The following FBN2 variants were observed in gnomAD, a reference collection of about 807,000 sequenced individuals.
FBN2 encodes fibrillin 2, also known as fibrillin-2.
A neutral mutation model predicts 355.6 loss-of-function variants in FBN2; 105 were observed. The ratio of observed to expected loss-of-function variants is 0.30; its 90% CI spans 0.25 to 0.35. The LOEUF is 0.35. Ranked by LOEUF, FBN2 falls within the 10% of genes least tolerant of loss-of-function variation. The probability of loss-of-function intolerance (pLI) is 1.00; values close to 1 mark genes in which losing one functional copy is unlikely to be tolerated. For missense variants in FBN2, 3,280 were observed against 3,758.7 expected (o/e 0.87, Z 3.33); for synonymous variants, 1,350 against 1,301.2 (o/e 1.04, Z -0.81).
chr5:128,286,837 C>T lies in FBN2; in HGVS notation c.6893G>A (p.Cys2298Tyr). 1.2e-6 allele frequency: 2 copies of T among 1,614,108 alleles called. No individual in the cohort carries two copies. The part of the protein sequence containing the change: ...DQKMCKDLDE[C>Y]AEGLHDCESR... ...TTCACAGTCGTGTAACCCTTCAGCACATTCATCCAGATCTAGAACAAAAAA... is the reference window on the plus strand; with the variant it reads ...TTCACAGTCGTGTAACCCTTCAGCATATTCATCCAGATCTAGAACAAAAAA... Residue 2298 changes from cysteine to tyrosine, a missense_variant, in exon 55 of 65, where the codon TGT becomes TAT. By Grantham distance (194) the Cys-to-Tyr change is radical. Around this residue, in one of 6 missense-constraint regions of FBN2, gnomAD observed 2,284 missense variants for 2,749.5 expected, o/e 0.83. Coordinates refer to ENST00000262464, the MANE Select transcript of FBN2 (RefSeq NM_001999.4).
chr5:128,310,362 GC>G (rs1750000389), intron 39 of FBN2, among the ~76,000 whole-genome samples: 1 of 112,940 alleles, frequency 8.9e-6, no homozygotes, highest in African/African-American at 3.2e-5. Flanking sequence ...AATTTCCTTG[GC>G]ACATATATAT....
At chr5:128,291,872 C>G (rs574588537) in intron 48 of FBN2, among the ~76,000 whole-genome samples, 1 of 152,096 alleles carries the variant, frequency 6.6e-6, no homozygotes. Flanking sequence ...GTCCACCTTC[C>G]TGTCTTTGAT....
chr5:128,522,048 T>C (rs1756446731), intron 4 of FBN2, among the ~76,000 whole-genome samples: 1 of 152,226 alleles, frequency 6.6e-6, no homozygotes, highest in Non-Finnish European at 1.5e-5. Flanking sequence ...TTCTCAATTT[T>C]AATTTCTAAT....
chr5:128,446,595 A>G lies in FBN2; in HGVS notation c.838T>C (p.Cys280Arg), dbSNP rs760748343. The change falls in exon 7 of 65, where the codon TGC (cysteine) becomes CGC (arginine). Residue 280 changes from cysteine (C) to arginine (R), a missense_variant. Transcript: ENST00000262464. Reference protein sequence around the residue: ...RTGACQDVDECQAIPGICQGG... With the variant: ...RTGACQDVDERQAIPGICQGG... ...TGGCATATCCCTGGGATAGCCTGGC[A>G]TTCATCAACATCTGCAAGAAGAAAA... is the stretch of plus-strand genomic sequence containing the variant. 3 of 1,613,568 alleles carry G rather than the reference A, an allele frequency of 1.9e-6. No homozygotes were observed. Among genetic ancestry groups the G allele is most frequent in the South Asian group, 2.2e-5 (2 of 91,084 alleles).
chr5:128,367,465 T>C (rs917216784), intron 16 of FBN2, among the ~76,000 whole-genome samples: 1 of 152,138 alleles, frequency 6.6e-6, no homozygotes, highest in Non-Finnish European at 1.5e-5. Context: ...ACTCTCCTTA[T>C]TGATTAATGT....
intron 26 of FBN2, among the ~76,000 whole-genome samples, chr5:128,338,714 C>T (rs893755794): frequency 3.3e-5 from 5 of 152,208 alleles, no homozygotes; most frequent in Non-Finnish European, 5.9e-5. Context: ...AGGATCCAAT[C>T]TGAGTATCTC....
In FBN2 at chr5:128,402,046, G is replaced by GT. The variant is rs563112770; in HGVS notation, c.1078+6627dup. On this transcript the variant is annotated intron_variant, in intron 8 of 64. Coordinates refer to ENST00000262464, the MANE Select transcript of FBN2 (RefSeq NM_001999.4). ...ACATACACTGGTGTAGCATCTCACAGTTAAGGTCTCCAAAAAGGCATATTT... is the reference window on the plus strand; with the variant it reads ...ACATACACTGGTGTAGCATCTCACAGTTTAAGGTCTCCAAAAAGGCATATTT... Among the ~76,000 whole-genome samples, 268 of 152,284 alleles carry GT rather than the reference G, an allele frequency of 1.8e-3. 1 individual carries two copies. Among genetic ancestry groups the GT allele is most frequent in the Middle Eastern group, 6.8e-3 (2 of 294 alleles).
At chr5:128,453,211 A>G (rs1458393320) in intron 6 of FBN2, among the ~76,000 whole-genome samples, 1 of 152,230 alleles carries the variant, frequency 6.6e-6, no homozygotes, top group Non-Finnish European at 1.5e-5. Context: ...TTGTAATAAC[A>G]AGAACAGAGC....
intron 8 of FBN2, among the ~76,000 whole-genome samples, chr5:128,407,900 C>T (rs1752971567): frequency 6.6e-6 from 1 of 152,088 alleles, no homozygotes; most frequent in Non-Finnish European, 1.5e-5. Flanking sequence ...GCCCAAACGG[C>T]CACCCTCTAG....
chr5:128,369,063 T>C (rs1751859429), intron 16 of FBN2, 119 bp downstream of exon 16: 1 of 1,034,326 alleles, frequency 9.7e-7, no homozygotes, highest in South Asian at 1.3e-5. Context: ...GGATTGGATT[T>C]CTCTTCTTCA....
At chr5:128,505,339 C>A (rs559665784) in intron 5 of FBN2, among the ~76,000 whole-genome samples, 40 of 152,188 alleles carry the variant, frequency 2.6e-4, no homozygotes, top group African/African-American at 9.1e-4. Flanking sequence ...TGGAAGCATC[C>A]CTCACTGTGT....
intron 7 of FBN2, among the ~76,000 whole-genome samples, chr5:128,436,572 A>G (rs1358083093): frequency 6.6e-6 from 1 of 152,054 alleles, no homozygotes; most frequent in African/African-American, 2.4e-5. Flanking sequence ...GGAGAAAGAT[A>G]GGAAAACGGT....
chr5:128,335,111 G>T, intron 30 of FBN2, 59 bp downstream of exon 30: 3 of 1,604,962 alleles, frequency 1.9e-6, no homozygotes, highest in African/African-American at 1.3e-5. Context: ...GCTTGTGTGT[G>T]CATGTGGGTG....
At chr5:128,342,644 G>C (rs1396478424) in intron 25 of FBN2, among the ~76,000 whole-genome samples, 1 of 152,072 alleles carries the variant, frequency 6.6e-6, no homozygotes, top group African/African-American at 2.4e-5. Context: ...CTGGGAAGGA[G>C]GGAAAAGAGG....
At chr5:128,340,825 C>T (rs924781558) in intron 25 of FBN2, among the ~76,000 whole-genome samples, 3 of 150,424 alleles carry the variant, frequency 2.0e-5, no homozygotes, top group African/African-American at 4.9e-5. Flanking sequence ...CTCCCTCTCT[C>T]TCTCTCTCTC....
intron 53 of FBN2, 99 bp downstream of exon 53, chr5:128,288,339 C>T (rs1749217497): frequency 7.1e-7 from 1 of 1,414,496 alleles, no homozygotes; most frequent in African/African-American, 1.4e-5. Flanking sequence ...ACCGTATGCT[C>T]ACCAGCAGAA....
At chr5:128,409,885 C>T (rs1282711808) in intron 7 of FBN2, among the ~76,000 whole-genome samples, 6 of 152,206 alleles carry the variant, frequency 3.9e-5, no homozygotes, top group South Asian at 4.1e-4. Flanking sequence ...TTTAACCCCA[C>T]GCTTAAAAAG....
chr5:128,402,803 C>T (rs1294529883), intron 8 of FBN2, among the ~76,000 whole-genome samples: 1 of 152,196 alleles, frequency 6.6e-6, no homozygotes, highest in African/African-American at 2.4e-5. Flanking sequence ...CTGGTTCCAG[C>T]CTGGGCTCCC....
intron 44 of FBN2, among the ~76,000 whole-genome samples, 156 bp from the exon 45 acceptor site, chr5:128,305,238 G>C (rs1749835748): frequency 1.3e-5 from 2 of 152,082 alleles, no homozygotes; most frequent in Admixed American, 6.6e-5. Flanking sequence ...GGACTTCAAA[G>C]TATCCAACCC....
Sources: allele counts gnomAD v4.1 joint callset (sites outside exome capture counted in the v4.1 genomes callset), GRCh38; gene constraint gnomAD v4.1.1; regional missense constraint gnomAD v4.1.1; transcripts MANE v1.5; gene names NCBI Gene and HGNC (gene_info 2026-07-23, HGNC 2026-07-21).